PLPPR1: variants seen among roughly 807,000 people sequenced by gnomAD.
PLPPR1 encodes the protein phospholipid phosphatase-related protein type 1.
In PLPPR1, 10 loss-of-function variants were observed where a neutral mutation model predicts 33.1. The ratio of observed to expected loss-of-function variants is 0.30; its 90% confidence interval spans 0.19 to 0.51. The LOEUF (loss-of-function observed/expected upper bound fraction) is 0.51, where lower values mean the gene tolerates loss of function less well. Among genes scored for constraint, PLPPR1 ranks in the 20% least tolerant of loss-of-function variants. The pLI is 0.97. For missense variants in PLPPR1, 304 were observed against 408.1 expected (o/e 0.74, Z 2.20); for synonymous variants, 151 against 151.0 (o/e 1.00, Z 0.00).
chr9:101,113,667 AAC>A (rs1286598470), intron 1 of PLPPR1, among the ~76,000 whole-genome samples: 4 of 152,194 alleles, frequency 2.6e-5, no homozygotes, highest in African/African-American at 9.7e-5. Context: ...AAAACCAAAA[AAC>A]AGTCTATTTT....
At chr9:101,121,222 T>C (rs1831175224) in intron 1 of PLPPR1, among the ~76,000 whole-genome samples, 1 of 152,246 alleles carries the variant, frequency 6.6e-6, no homozygotes, top group South Asian at 2.1e-4. Flanking sequence ...AACTTCTTTT[T>C]ATCAGATGAG....
chr9:101,149,949 A>G (rs1346466167), intron 1 of PLPPR1, among the ~76,000 whole-genome samples: 1 of 152,032 alleles, frequency 6.6e-6, no homozygotes, highest in Non-Finnish European at 1.5e-5. Flanking sequence ...TGACTTCTAC[A>G]TCTATCATCT....
intron 2 of PLPPR1, among the ~76,000 whole-genome samples, chr9:101,185,938 C>A (rs185870999): frequency 1.3e-5 from 2 of 151,784 alleles, no homozygotes; most frequent in African/African-American, 2.4e-5. Flanking sequence ...AGTCAATAAT[C>A]CATGCATTTT....
At chr9:101,201,136 G>A (rs1438400070) in intron 2 of PLPPR1, among the ~76,000 whole-genome samples, 3 of 152,150 alleles carry the variant, frequency 2.0e-5, no homozygotes, top group African/African-American at 7.2e-5. Context: ...TCACATGACA[G>A]GACAAAAGGC....
chr9:101,298,869 A>G (rs1828695368), intron 4 of PLPPR1, among the ~76,000 whole-genome samples: 2 of 152,220 alleles, frequency 1.3e-5, no homozygotes, highest in Admixed American at 1.3e-4. Context: ...GCAGATATGT[A>G]ATTTTAAATG....
At chr9:101,242,959 A>G (rs1827506861) in intron 2 of PLPPR1, among the ~76,000 whole-genome samples, 1 of 152,096 alleles carries the variant, frequency 6.6e-6, no homozygotes, top group Admixed American at 6.6e-5. Context: ...AAAATTTCTA[A>G]TGCTTCCTAG....
intron 1 of PLPPR1, among the ~76,000 whole-genome samples, chr9:101,097,672 C>T (rs917547858): frequency 2.0e-5 from 3 of 152,100 alleles, no homozygotes; most frequent in Non-Finnish European, 4.4e-5. Context: ...GGAAATGCAG[C>T]AACGAGTGTC....
chr9:101,201,047 G>A (rs1005618811), intron 2 of PLPPR1, among the ~76,000 whole-genome samples: 4 of 152,258 alleles, frequency 2.6e-5, no homozygotes, highest in South Asian at 2.1e-4. Flanking sequence ...TATTTTTCAC[G>A]GTTCTGGGGA....
intron 2 of PLPPR1, among the ~76,000 whole-genome samples, chr9:101,221,488 G>A (rs1458134159): frequency 1.3e-5 from 2 of 152,196 alleles, no homozygotes; most frequent in African/African-American, 4.8e-5. Context: ...GAAGGGCAGA[G>A]CCAGACTGAC....
At chr9:101,048,416 C>A (rs1830179525) in intron 1 of PLPPR1, among the ~76,000 whole-genome samples, 1 of 152,152 alleles carries the variant, frequency 6.6e-6, no homozygotes, top group South Asian at 2.1e-4. Context: ...TCACAGGGAT[C>A]CTAGAGCCCT....
chr9:101,185,941 T>C (rs999039445), intron 2 of PLPPR1, among the ~76,000 whole-genome samples: 1 of 151,906 alleles, frequency 6.6e-6, no homozygotes. Context: ...CAATAATCCA[T>C]GCATTTTACA....
intron 2 of PLPPR1, among the ~76,000 whole-genome samples, chr9:101,241,730 A>C (rs1827472202): frequency 6.6e-6 from 1 of 152,076 alleles, no homozygotes; most frequent in African/African-American, 2.4e-5. Flanking sequence ...GGAGGGTGCC[A>C]GATAATCACA....
intron 3 of PLPPR1, among the ~76,000 whole-genome samples, chr9:101,280,694 A>G (rs1486444449): frequency 6.6e-6 from 1 of 152,158 alleles, no homozygotes; most frequent in Non-Finnish European, 1.5e-5. Flanking sequence ...ATTAATGCTG[A>G]AAAAAGTATT....
chr9:101,165,642 G>T (rs1825843177), intron 1 of PLPPR1, among the ~76,000 whole-genome samples: 1 of 152,156 alleles, frequency 6.6e-6, no homozygotes, highest in East Asian at 1.9e-4. Flanking sequence ...TGAAGGTTGA[G>T]AGGAAAAATT....
At chr9:101,197,313 C>T (rs1436205532) in intron 2 of PLPPR1, among the ~76,000 whole-genome samples, 5 of 152,180 alleles carry the variant, frequency 3.3e-5, no homozygotes, top group Non-Finnish European at 7.3e-5. Flanking sequence ...CACACAGAGC[C>T]GGGAAGAAGC....
chr9:101,267,223 C>G (rs931068237), intron 2 of PLPPR1, among the ~76,000 whole-genome samples: 1 of 152,176 alleles, frequency 6.6e-6, no homozygotes, highest in South Asian at 2.1e-4. Context: ...ACTCACTTAA[C>G]AAGTCAAGCA....
intron 2 of PLPPR1, among the ~76,000 whole-genome samples, chr9:101,230,720 A>C (rs2118816867): frequency 6.6e-6 from 1 of 151,978 alleles, no homozygotes; most frequent in African/African-American, 2.4e-5. Flanking sequence ...CTGATTCAAA[A>C]CCCATCGTGG....
intron 2 of PLPPR1, among the ~76,000 whole-genome samples, chr9:101,215,600 G>A (rs906375914): frequency 6.6e-6 from 1 of 152,088 alleles, no homozygotes; most frequent in African/African-American, 2.4e-5. Flanking sequence ...CTGTACTTAT[G>A]TACTCATTTA....
At position 101,046,501 on chromosome 9, in the gene PLPPR1, A is replaced by G. The variant is rs577741835; in HGVS notation, c.-46+17399A>G. ...GTCGCCCAGGCTTGAGTGCAGTGGC[A>G]CGATCTCAGCTCACTGCAAGCTCTG... On this transcript the variant is annotated intron_variant, in intron 1 of 7. Transcript: ENST00000374874. Among the ~76,000 whole-genome samples, 47 of 135,182 alleles carry G rather than the reference A, an allele frequency of 3.5e-4. 1 individual carries two copies. Among genetic ancestry groups the G allele is most frequent in the African/African-American group, 1.3e-3 (46 of 34,798 alleles). 88.7% of individuals were successfully genotyped at this position (135,182 alleles called of 152,430 possible). A position where few individuals can be genotyped will look rare whatever the true frequency, so the allele number is the denominator to read the frequency against.
Sources: allele counts gnomAD v4.1 joint callset (sites outside exome capture counted in the v4.1 genomes callset), GRCh38; gene constraint gnomAD v4.1.1; transcripts MANE v1.5; gene names NCBI Gene and HGNC (gene_info 2026-07-23, HGNC 2026-07-21).